The following GPM6A variants were observed in gnomAD, a reference collection of about 807,000 sequenced individuals.
GPM6A encodes glycoprotein M6A.
GPM6A carries 7 observed loss-of-function variants against 32.1 expected under a neutral mutation model. The observed-to-expected ratio is 0.22, with a 90% CI of 0.12 to 0.41. The LOEUF (loss-of-function observed/expected upper bound fraction) is 0.41, where lower values mean the gene tolerates loss of function less well. Ranked by LOEUF, GPM6A falls within the 10% of genes least tolerant of loss-of-function variation. GPM6A has a pLI of 1.00. For synonymous variants in GPM6A, 130 were observed against 123.4 expected, an observed-to-expected ratio of 1.05 and a Z score of -0.35; for missense variants, 235 against 347.2, an observed-to-expected ratio of 0.68 and a Z score of 2.57.
At chr4:175,656,857 G>T (rs1742113112) in intron 3 of GPM6A, among the ~76,000 whole-genome samples, 1 of 152,160 alleles carries the variant, frequency 6.6e-6, no homozygotes, top group East Asian at 1.9e-4. Context: ...GATTGCACAA[G>T]TCTCTGAGTC....
At chr4:175,931,019 T>A (rs974878861) in intron 1 of GPM6A, among the ~76,000 whole-genome samples, 5 of 152,248 alleles carry the variant, frequency 3.3e-5, no homozygotes, top group African/African-American at 1.2e-4. Flanking sequence ...GGAAATCATA[T>A]CTAATTTTAA....
At chr4:175,941,616 C>T (rs1448743645) in intron 1 of GPM6A, among the ~76,000 whole-genome samples, 2 of 152,162 alleles carry the variant, frequency 1.3e-5, no homozygotes, top group Non-Finnish European at 2.9e-5. Context: ...TTGTTCAATT[C>T]CCCCTTATGA....
rs1350340546 is a variant in GPM6A at position 175,634,129 on chromosome 4, C to G, written c.*776G>C. 1.3e-5 allele frequency: 2 copies of G among 152,488 alleles called. No individual in the cohort carries two copies. The highest frequency in any genetic ancestry group is 4.8e-5 in the African/African-American group (2 of 41,426). 9.4% of individuals were successfully genotyped at this position (152,488 alleles called of 1,614,324 possible). On this transcript the variant is annotated 3_prime_UTR_variant, in exon 7 of 7. Coordinates refer to ENST00000393658, the MANE Select transcript of GPM6A (RefSeq NM_201591.3). ...GTAGTTATTTCCATTAAAATTGTCT[C>G]TATATACTAAACTTTAAAAGGTAAG...
chr4:175,771,144 TC>T (rs2111232095), intron 1 of GPM6A, among the ~76,000 whole-genome samples: 1 of 140,552 alleles, frequency 7.1e-6, no homozygotes, highest in South Asian at 2.1e-4. Context: ...GTGTCCTAGC[TC>T]CTGCTTCCTT....
chr4:175,818,744 A>T (rs909374518), intron 1 of GPM6A, among the ~76,000 whole-genome samples: 1 of 152,266 alleles, frequency 6.6e-6, no homozygotes, highest in African/African-American at 2.4e-5. Flanking sequence ...TAACTTGGGG[A>T]GATACATATC....
Position 175,889,860 on chromosome 4 carries a change from C to G in GPM6A, c.-22-77611G>C, listed in dbSNP as rs78395254. On this transcript the variant is annotated intron_variant, in intron 1 of 7. Coordinates refer to the GPM6A transcript ENST00000280187. ...AAAGAAAGAAAGAAAGAAAAACGAG[C>G]AAAGAAAAGAAAAGAAGAGGCCATG... Among the ~76,000 whole-genome samples the G allele has an allele frequency of 2.2e-3, 339 of 150,854 alleles. 3 individuals carry two copies. The highest frequency in any genetic ancestry group is 7.4e-3 in the African/African-American group (304 of 41,056).
At chr4:175,960,210 C>T (rs938342297) in intron 1 of GPM6A, among the ~76,000 whole-genome samples, 1 of 152,114 alleles carries the variant, frequency 6.6e-6, no homozygotes, top group Non-Finnish European at 1.5e-5. Flanking sequence ...TTAAAATAAA[C>T]TTGACATACT....
chr4:175,936,330 A>C (rs947515720), intron 1 of GPM6A, among the ~76,000 whole-genome samples: 10 of 150,340 alleles, frequency 6.7e-5, no homozygotes, highest in East Asian at 1.9e-4. Flanking sequence ...AAAAAAAAAA[A>C]AAAAAACTAT....
intron 2 of GPM6A, among the ~76,000 whole-genome samples, chr4:175,695,093 G>T (rs1744504654): frequency 6.6e-6 from 1 of 151,638 alleles, no homozygotes; most frequent in Non-Finnish European, 1.5e-5. Flanking sequence ...TTGAGGTTTG[G>T]AAGCCTCTGC....
Position 175,701,721 on chromosome 4 carries a change from G to T in GPM6A, c.84C>A (p.Ala28=). Residue 28 remains alanine (A), a synonymous_variant, in exon 2 of 7, where the codon GCC becomes GCA. Transcript: ENST00000393658. The part of the protein sequence containing the change: ...CIKCLGGIPY[A]SLIATILLYA... ...AGAGCAGGATGGTGGCAATCAGAGA[G>T]GCATAGGGAATGCCCCCCAGGCATT... The T allele has an allele frequency of 6.2e-7, 1 of 1,613,768 alleles. No homozygotes were observed. Among genetic ancestry groups the T allele is most frequent in the Non-Finnish European group, 8.5e-7 (1 of 1,179,736 alleles).
intron 1 of GPM6A, among the ~76,000 whole-genome samples, chr4:175,770,332 T>C (rs1368692178): frequency 2.0e-5 from 3 of 152,262 alleles, no homozygotes; most frequent in African/African-American, 4.8e-5. Context: ...GGCCGATGCC[T>C]AGATTCTTTT....
intron 1 of GPM6A, among the ~76,000 whole-genome samples, chr4:175,843,728 G>A (rs1311807562): frequency 1.3e-5 from 2 of 152,082 alleles, no homozygotes; most frequent in African/African-American, 4.8e-5. Flanking sequence ...TTTATACTGA[G>A]GCCAAAATTA....
chr4:175,837,099 A>C (rs1735792147), intron 1 of GPM6A, among the ~76,000 whole-genome samples: 1 of 152,128 alleles, frequency 6.6e-6, no homozygotes, highest in African/African-American at 2.4e-5. Flanking sequence ...GAGAAGAACC[A>C]TGTGACAAAT....
At chr4:175,907,672 T>C (rs1738174151) in intron 1 of GPM6A, among the ~76,000 whole-genome samples, 1 of 152,156 alleles carries the variant, frequency 6.6e-6, no homozygotes, top group Admixed American at 6.6e-5. Flanking sequence ...TCCTCTTATC[T>C]GAAGGCACAG....
chr4:175,818,760 C>T (rs1329731171), intron 1 of GPM6A, among the ~76,000 whole-genome samples: 1 of 152,160 alleles, frequency 6.6e-6, no homozygotes, highest in African/African-American at 2.4e-5. Context: ...ATATCATGTT[C>T]ATATGTAACA....
chr4:176,001,153 C>G (rs777558205), intron 1 of GPM6A, among the ~76,000 whole-genome samples: 1 of 152,184 alleles, frequency 6.6e-6, no homozygotes, highest in Non-Finnish European at 1.5e-5. Flanking sequence ...ATCCCCTAAC[C>G]CTTGAGCCTG....
intron 1 of GPM6A, among the ~76,000 whole-genome samples, chr4:175,743,524 G>A (rs1731974789): frequency 6.6e-6 from 1 of 151,880 alleles, no homozygotes. Flanking sequence ...TAAAAAGGTA[G>A]GCATGGACCT....
intron 1 of GPM6A, among the ~76,000 whole-genome samples, chr4:175,751,132 C>T (rs188427532): frequency 2.3e-4 from 35 of 152,014 alleles, no homozygotes; most frequent in African/African-American, 8.4e-4. Context: ...TGTCTGAATA[C>T]ACTAACAAAA....
At chr4:175,826,175 A>C (rs1012322164) in intron 1 of GPM6A, among the ~76,000 whole-genome samples, 9 of 150,832 alleles carry the variant, frequency 6.0e-5, no homozygotes, top group Non-Finnish European at 1.2e-4. Context: ...AAACAAACAA[A>C]CAAAAAAACT....
Sources: gnomAD v4.1 joint callset for allele counts (sites outside exome capture counted in the v4.1 genomes callset) on GRCh38, gnomAD v4.1.1 for gene constraint, MANE v1.5 for transcripts, NCBI Gene and HGNC (gene_info 2026-07-23, HGNC 2026-07-21) for gene names.